PHLDB3: variants seen among roughly 807,000 people sequenced by gnomAD.
The protein encoded by PHLDB3 is pleckstrin homology like domain family B member 3.
Under a neutral mutation model 85.7 loss-of-function variants are expected in PHLDB3, and 86 were observed. The observed-to-expected ratio is 1.00, with a 90% confidence interval of 0.84 to 1.20. The LOEUF (loss-of-function observed/expected upper bound fraction) is 1.20. PHLDB3 is among the 50% of genes most tolerant of loss of function. PHLDB3 has a pLI of 0.00. For synonymous variants in PHLDB3, 376 were observed against 349.8 expected (o/e 1.07, Z -0.83); for missense variants, 995 against 873.0 (o/e 1.14, Z -1.76).
At chr19:43,483,556 G>C (rs1327271941) in intron 13 of PHLDB3, among the ~76,000 whole-genome samples, 1 of 152,130 alleles carries the variant, frequency 6.6e-6, no homozygotes, top group Non-Finnish European at 1.5e-5. Context: ...TGAGATTATA[G>C]GCGTGAGCTA....
intron 13 of PHLDB3, among the ~76,000 whole-genome samples, chr19:43,481,618 C>CAA (rs541504702): frequency 1.4e-5 from 2 of 146,068 alleles, no homozygotes; most frequent in East Asian, 4.0e-4. Flanking sequence ...AACTCCATCT[C>CAA]AAAAAAAAAA....
At chr19:43,495,908 GATAGAA>G (rs907834148) in intron 6 of PHLDB3, 4 of 357,534 alleles carry the variant, frequency 1.1e-5, no homozygotes, top group African/African-American at 6.2e-5. Flanking sequence ...CAAAAGAAAA[GATAGAA>G]ATAGAACAGA....
chr19:43,503,280 GTCTCTCTCTCTCTC>G (rs57901463), intron 2 of PHLDB3, among the ~76,000 whole-genome samples: 45 of 141,770 alleles, frequency 3.2e-4, no homozygotes, highest in East Asian at 8.5e-4. Context: ...TGTCTATCTG[GTCTCTCTCTCTCTC>G]TCTCTCTCTC....
intron 1 of PHLDB3, chr19:43,504,366 A>T (rs191179632): frequency 1.7e-5 from 10 of 577,256 alleles, no homozygotes; most frequent in African/African-American, 9.6e-5. Flanking sequence ...GGGTCGTAGC[A>T]CGCCCCCTAC....
At position 43,496,432 on chromosome 19, in the gene PHLDB3, G is replaced by A. The variant is rs188115214; in HGVS notation, c.825+686C>T. On this transcript the variant is annotated intron_variant, in intron 6 of 15. Transcript: ENST00000292140. ...AATGTGAGGCTCCCAGGAAGGATCT[G>A]ATGAAGCATCTTTTTGGAATAGAGG... 3.3e-5 allele frequency: 5 copies of A among 152,304 alleles called. No individual in the cohort carries two copies. The East Asian group carries it at 9.6e-4, about 29-fold the overall frequency. The allele number at this position is 152,304 out of a possible 1,614,324, so 9.4% of individuals were successfully genotyped here.
At chr19:43,504,448 A>G (rs1322317488) in intron 1 of PHLDB3, 141 bp downstream of exon 1, 3 of 425,754 alleles carry the variant, frequency 7.0e-6, no homozygotes, top group Non-Finnish European at 1.3e-5. Context: ...GCAGCCCCCT[A>G]CAATCTCTTG....
intron 1 of PHLDB3, 57 bp downstream of exon 1, chr19:43,504,532 C>T (rs1211268906): frequency 4.6e-6 from 1 of 219,622 alleles, no homozygotes; most frequent in Non-Finnish European, 9.0e-6. Context: ...TTCCCGGAGC[C>T]CCGTAGTCTT....
chr19:43,491,945 G>A (rs570223738), intron 9 of PHLDB3, among the ~76,000 whole-genome samples: 2,477 of 129,614 alleles, frequency 0.019, 169 homozygotes, highest in African/African-American at 0.07. Flanking sequence ...GCACCTGGCC[G>A]TTTTTTTTTT....
chr19:43,502,340 G>A (rs1971629067), intron 2 of PHLDB3, 57 bp from the exon 3 acceptor site: 1 of 1,493,270 alleles, frequency 6.7e-7, no homozygotes, highest in African/African-American at 1.4e-5. Flanking sequence ...CAATCACTAA[G>A]TAGGTCTGGT....
At chr19:43,476,846 T>C (rs1970938080) in intron 15 of PHLDB3, among the ~76,000 whole-genome samples, 1 of 152,132 alleles carries the variant, frequency 6.6e-6, no homozygotes, top group African/African-American at 2.4e-5. Context: ...TTTATACAAG[T>C]TCCAATTCCT....
chr19:43,495,452 G>T, intron 7 of PHLDB3, 43 bp downstream of exon 7: 1 of 1,603,854 alleles, frequency 6.2e-7, no homozygotes, highest in Non-Finnish European at 8.5e-7. Context: ...TGCCCCAGGG[G>T]GAAGTGAGGA....
intron 9 of PHLDB3, among the ~76,000 whole-genome samples, chr19:43,491,465 C>A (rs1476330647): frequency 6.6e-6 from 1 of 151,926 alleles, no homozygotes; most frequent in Admixed American, 6.6e-5. Flanking sequence ...ATATTAAGTG[C>A]TTTAAAATTA....
intron 6 of PHLDB3, 118 bp from the exon 7 acceptor site, chr19:43,495,738 C>T (rs1019988429): frequency 1.0e-5 from 14 of 1,406,276 alleles, no homozygotes; most frequent in East Asian, 2.5e-5. Context: ...ACCATGGGAT[C>T]GGAGTGTCCA....
chr19:43,478,118 T>C lies in PHLDB3; in HGVS notation c.1717A>G (p.Lys573Glu). The C allele has an allele frequency of 6.2e-7, 1 of 1,613,170 alleles. No homozygotes were observed. Among genetic ancestry groups the C allele is most frequent in the East Asian group, 2.2e-5 (1 of 44,870 alleles). Residue 573 changes from lysine to glutamate, a missense_variant, in exon 15 of 16, where the codon AAG (lysine) becomes GAG (glutamate). Physicochemically the swap from Lys to Glu is moderately conservative, Grantham distance 56 (BLOSUM62 1). Transcript: ENST00000292140. ...LAYYADKEET[K>E]LKGVIYFQAI... Reference sequence around the variant, plus strand: ...TGGAAGTAGATGACACCTTTGAGCTTGGTCTCTTCCTTGTCTGGTAGGGGA... The same window carrying C: ...TGGAAGTAGATGACACCTTTGAGCTCGGTCTCTTCCTTGTCTGGTAGGGGA...
chr19:43,501,547 C>G (rs2145954202), intron 4 of PHLDB3, 187 bp downstream of exon 4: 1 of 1,131,946 alleles, frequency 8.8e-7, no homozygotes, highest in Admixed American at 2.9e-5. Flanking sequence ...AAGGAAGAGC[C>G]CCAAAAATCT....
chr19:43,493,027 C>A (rs987201093), intron 9 of PHLDB3, among the ~76,000 whole-genome samples: 1 of 152,016 alleles, frequency 6.6e-6, no homozygotes, highest in East Asian at 1.9e-4. Flanking sequence ...ACCTGTAATC[C>A]CAGCACTTTG....
At chr19:43,493,406 C>T (rs903255294) in intron 9 of PHLDB3, among the ~76,000 whole-genome samples, 5 of 152,066 alleles carry the variant, frequency 3.3e-5, no homozygotes, top group Non-Finnish European at 7.4e-5. Flanking sequence ...GAGGCTAAAA[C>T]AAGAGGACCA....
At chr19:43,478,191 G>T in intron 14 of PHLDB3, 59 bp from the exon 15 acceptor site, 1 of 1,355,002 alleles carries the variant, frequency 7.4e-7, no homozygotes. Context: ...TGTGTGTGTC[G>T]AGGTGAGGGT....
At chr19:43,499,203 G>A (rs1332554823) in intron 4 of PHLDB3, among the ~76,000 whole-genome samples, 1 of 152,132 alleles carries the variant, frequency 6.6e-6, no homozygotes, top group Non-Finnish European at 1.5e-5. Context: ...AGGACATGGT[G>A]GTTGACGGGC....
Sources: gnomAD v4.1 joint callset for allele counts (sites outside exome capture counted in the v4.1 genomes callset) on GRCh38, gnomAD v4.1.1 for gene constraint, MANE v1.5 for transcripts, NCBI Gene and HGNC (gene_info 2026-07-23, HGNC 2026-07-21) for gene names.